THSD4: variants seen among roughly 807,000 people sequenced by gnomAD.
The protein encoded by THSD4 is thrombospondin type-1 domain-containing protein 4.
THSD4 carries 69 observed loss-of-function variants against 119.0 expected under a neutral mutation model. The ratio of observed to expected loss-of-function variants is 0.58; its 90% CI spans 0.48 to 0.71. THSD4 has a LOEUF of 0.71. Ranked by LOEUF, THSD4 falls within the 30% of genes least tolerant of loss-of-function variation. The pLI, the probability that THSD4 is intolerant of heterozygous loss-of-function variation, is 0.00. For missense variants in THSD4, 1,393 were observed against 1,391.1 expected (o/e 1.00, Z -0.02); for synonymous variants, 524 against 540.4 (o/e 0.97, Z 0.42).
intron 7 of THSD4, among the ~76,000 whole-genome samples, chr15:71,610,064 TAAATA>T (rs1309110645): frequency 6.6e-6 from 1 of 152,140 alleles, no homozygotes; most frequent in Non-Finnish European, 1.5e-5. Context: ...CAGAGAGATT[TAAATA>T]AACTGTTTCA....
intron 6 of THSD4, among the ~76,000 whole-genome samples, chr15:71,322,457 G>A (rs1176460044): frequency 2.6e-5 from 4 of 152,150 alleles, no homozygotes; most frequent in Admixed American, 6.6e-5. Flanking sequence ...GGCCTGATAC[G>A]GGGTAATAGA....
intron 4 of THSD4, among the ~76,000 whole-genome samples, chr15:71,228,951 T>A (rs2044039367): frequency 1.3e-5 from 2 of 152,350 alleles, no homozygotes; most frequent in South Asian, 4.1e-4. Flanking sequence ...CACAGTTCAT[T>A]GTGGGCTAGT....
At chr15:71,111,266 T>C (rs749114001), upstream of THSD4, 27 of 1,613,878 alleles carry the variant, frequency 1.7e-5, no homozygotes, top group Admixed American at 5.0e-5. Context: ...TGACACTTCA[T>C]GGGAATCCTT....
At chr15:71,263,278 T>C (rs1418469858) in intron 6 of THSD4, among the ~76,000 whole-genome samples, 4 of 151,152 alleles carry the variant, frequency 2.6e-5, no homozygotes, top group African/African-American at 7.3e-5. Context: ...TCCATCCGTG[T>C]CCCTGCAAAG....
At chr15:71,165,164 G>A in intron 3 of THSD4, 1 of 1,591,164 alleles carries the variant, frequency 6.3e-7, no homozygotes, top group Non-Finnish European at 8.6e-7. Context: ...CTTCTTTTTT[G>A]TCTCCCCTTT....
At chr15:71,594,179 C>T (rs2049863006) in intron 7 of THSD4, among the ~76,000 whole-genome samples, 1 of 151,866 alleles carries the variant, frequency 6.6e-6, no homozygotes, top group Non-Finnish European at 1.5e-5. Context: ...TATTTCCTTT[C>T]ACTCCAGTCT....
chr15:71,272,184 C>T (rs886193133), intron 6 of THSD4, among the ~76,000 whole-genome samples: 8 of 151,740 alleles, frequency 5.3e-5, no homozygotes, highest in African/African-American at 1.5e-4. Context: ...GGGCAGATCA[C>T]GAGGTCAGGA....
chr15:71,707,707 G>A (rs1279300579), intron 8 of THSD4, among the ~76,000 whole-genome samples: 2 of 152,170 alleles, frequency 1.3e-5, no homozygotes, highest in East Asian at 1.9e-4. Context: ...GGGTTGAATA[G>A]GTCATTTCCC....
At chr15:71,776,231 A>G (rs562310193) in intron 17 of THSD4, among the ~76,000 whole-genome samples, 2 of 152,372 alleles carry the variant, frequency 1.3e-5, no homozygotes, top group South Asian at 4.1e-4. Context: ...TATCAATTAC[A>G]TTAAAATTAA....
intron 3 of THSD4, among the ~76,000 whole-genome samples, chr15:71,172,447 A>G (rs369471063): frequency 1.3e-5 from 2 of 151,906 alleles, no homozygotes; most frequent in African/African-American, 4.8e-5. Context: ...CACAATTCCA[A>G]TAAAATTCTT....
intron 6 of THSD4, among the ~76,000 whole-genome samples, chr15:71,374,758 C>A (rs1219126143): frequency 6.6e-6 from 1 of 152,186 alleles, no homozygotes; most frequent in Non-Finnish European, 1.5e-5. Flanking sequence ...AACGCCCAAT[C>A]TCTGTTTATA....
intron 3 of THSD4, among the ~76,000 whole-genome samples, chr15:71,199,355 G>C (rs920456122): frequency 2.0e-5 from 3 of 152,106 alleles, no homozygotes; most frequent in African/African-American, 7.2e-5. Context: ...TGCAGAGAAG[G>C]CTGAGAGGTG....
At chr15:71,566,025 A>G (rs916997512) in intron 7 of THSD4, among the ~76,000 whole-genome samples, 1 of 152,168 alleles carries the variant, frequency 6.6e-6, no homozygotes, top group African/African-American at 2.4e-5. Context: ...CATCTGGCCC[A>G]ACGCTCCCTG....
At chr15:71,593,002 A>T (rs2049836333) in intron 7 of THSD4, among the ~76,000 whole-genome samples, 3 of 152,194 alleles carry the variant, frequency 2.0e-5, no homozygotes, top group Admixed American at 2.0e-4. Flanking sequence ...GCGAAAATAG[A>T]GATTTGAACC....
chr15:71,264,433 G>A (rs76375479), intron 6 of THSD4, among the ~76,000 whole-genome samples: 1,714 of 152,316 alleles, frequency 0.011, 51 homozygotes, highest in Admixed American at 0.059. Context: ...GCAAGACTAG[G>A]CCATGTTTGC....
intron 6 of THSD4, among the ~76,000 whole-genome samples, chr15:71,299,974 AAAATATATAT>A (rs1192824390): frequency 8.2e-5 from 3 of 36,690 alleles, no homozygotes; most frequent in Non-Finnish European, 1.6e-4. Context: ...AAAAAAAAAA[AAAATATATAT>A]ATATATATAT....
intron 3 of THSD4, among the ~76,000 whole-genome samples, chr15:71,198,895 T>A (rs1370415506): frequency 6.6e-6 from 1 of 152,240 alleles, no homozygotes; most frequent in African/African-American, 2.4e-5. Context: ...TTCCTTTTCA[T>A]CCTACTTGGC....
intron 6 of THSD4, among the ~76,000 whole-genome samples, chr15:71,274,412 C>T (rs905212860): frequency 3.3e-5 from 5 of 149,496 alleles, no homozygotes; most frequent in African/African-American, 1.2e-4. Flanking sequence ...CCTCTGATCC[C>T]AAATGTGATG....
intron 3 of THSD4, 75 bp downstream of exon 3, chr15:71,155,007 TG>T (rs1460072044): frequency 6.9e-7 from 1 of 1,441,784 alleles, no homozygotes; most frequent in African/African-American, 1.4e-5. Context: ...CCCTGAACTT[TG>T]TTCTGTTTGA....
Sources: gnomAD v4.1 joint callset for allele counts (sites outside exome capture counted in the v4.1 genomes callset) on GRCh38, gnomAD v4.1.1 for gene constraint, MANE v1.5 for transcripts, NCBI Gene and HGNC (gene_info 2026-07-23, HGNC 2026-07-21) for gene names.